The following FAM151B variants were observed in gnomAD, a reference collection of about 807,000 sequenced individuals.
The protein encoded by FAM151B is family with sequence similarity 151 member B.
A neutral mutation model predicts 31.2 loss-of-function variants in FAM151B; 24 were observed. The ratio of observed to expected loss-of-function variants is 0.77; its 90% CI spans 0.56 to 1.08. The LOEUF (loss-of-function observed/expected upper bound fraction) is 1.08. Among genes scored for constraint, FAM151B ranks in the 50% least tolerant of loss-of-function variants. The pLI is 0.00. For synonymous variants in FAM151B, 105 were observed against 111.4 expected, an observed-to-expected ratio of 0.94 and a Z score of 0.36; for missense variants, 293 against 328.6, an observed-to-expected ratio of 0.89 and a Z score of 0.84.
At chr5:80,538,440 CTTTCTTTCTCTT>C (rs1388932855) in intron 5 of FAM151B, among the ~76,000 whole-genome samples, 153 of 59,822 alleles carry the variant, frequency 2.6e-3, no homozygotes, top group South Asian at 3.8e-3. Context: ...TTCTTTCTTT[CTTTCTTTCTCTT>C]TCTTTCTTTC....
intron 1 of FAM151B, 27 bp downstream of exon 1, chr5:80,488,175 C>T: frequency 2.0e-6 from 3 of 1,537,122 alleles, no homozygotes; most frequent in South Asian, 1.2e-5. Context: ...CGGCCTCTGC[C>T]TGGAGGTGGG....
At chr5:80,522,476 A>T (rs1744763473) in intron 5 of FAM151B, 1 of 166,284 alleles carries the variant, frequency 6.0e-6, no homozygotes, top group Admixed American at 6.3e-5. Flanking sequence ...TAATTTCAGA[A>T]ATCAGCCAGG....
At chr5:80,505,749 ATTTTTTTTT>A (rs386404255) in intron 2 of FAM151B, among the ~76,000 whole-genome samples, 1 of 77,882 alleles carries the variant, frequency 1.3e-5, no homozygotes, top group African/African-American at 5.8e-5. Context: ...TCCTATAAGA[ATTTTTTTTT>A]TTTTTTTTTT....
At chr5:80,535,996 C>T (rs1285168840) in intron 5 of FAM151B, among the ~76,000 whole-genome samples, 1 of 152,126 alleles carries the variant, frequency 6.6e-6, no homozygotes, top group Non-Finnish European at 1.5e-5. Context: ...TGCTCAACAT[C>T]ATTGATTATC....
intron 5 of FAM151B, 150 bp from the exon 6 acceptor site, chr5:80,541,523 A>G (rs1745889637): frequency 5.6e-6 from 4 of 712,934 alleles, no homozygotes; most frequent in Non-Finnish European, 9.5e-6. Context: ...AAAGAATGAA[A>G]TATGAAAGTA....
chr5:80,513,864 T>C (rs1346341564), intron 3 of FAM151B, 95 bp downstream of exon 3: 8 of 1,151,914 alleles, frequency 6.9e-6, no homozygotes, highest in South Asian at 4.9e-5. Context: ...GAAAATGGAA[T>C]TGTAGACTCT....
intron 5 of FAM151B, among the ~76,000 whole-genome samples, chr5:80,540,034 T>A (rs1411608730): frequency 6.6e-6 from 1 of 152,172 alleles, no homozygotes; most frequent in Non-Finnish European, 1.5e-5. Context: ...AGCTTCTGTA[T>A]CACTGCCATG....
chr5:80,502,633 G>C (rs1452939639), intron 2 of FAM151B, among the ~76,000 whole-genome samples: 2 of 152,050 alleles, frequency 1.3e-5, no homozygotes, highest in Non-Finnish European at 2.9e-5. Context: ...TGCTCATGTT[G>C]GCTGCAGCAG....
rs1039273747 is a variant in FAM151B at position 80,495,797 on chromosome 5, C to G, written c.26-5995C>G. Among the ~76,000 whole-genome samples the G allele has an allele frequency of 2.2e-5, 3 of 138,574 alleles. No homozygotes were observed. In the East Asian group the frequency reaches 6.3e-4, roughly 29 times the overall value. The allele number at this position is 138,574 out of a possible 152,430, so 90.9% of individuals were successfully genotyped here. On this transcript the variant is annotated intron_variant, in intron 1 of 5. Transcript: ENST00000282226. ...GTAAGCCGAGATGCGCCACACTGCA[C>G]TCCAGCCTGGGCGAAAGAGCGAGAC...
intron 4 of FAM151B, among the ~76,000 whole-genome samples, chr5:80,521,451 A>C (rs1744716346): frequency 7.2e-5 from 11 of 152,112 alleles, no homozygotes; most frequent in Admixed American, 7.2e-4. Context: ...TGATTTAAAT[A>C]TATGTAAAAT....
At chr5:80,499,011 T>TG (rs1459736758) in intron 1 of FAM151B, 1 of 160,962 alleles carries the variant, frequency 6.2e-6, no homozygotes, top group Non-Finnish European at 1.3e-5. Flanking sequence ...AGATGGCAGA[T>TG]GGAAAAAAAA....
At chr5:80,524,293 T>C (rs1744854031) in intron 5 of FAM151B, among the ~76,000 whole-genome samples, 1 of 152,078 alleles carries the variant, frequency 6.6e-6, no homozygotes, top group Admixed American at 6.6e-5. Flanking sequence ...TATATTTTTT[T>C]CATTTTTGAT....
intron 5 of FAM151B, among the ~76,000 whole-genome samples, chr5:80,528,417 T>A (rs762935084): frequency 4.7e-5 from 7 of 149,564 alleles, no homozygotes; most frequent in Non-Finnish European, 1.0e-4. Context: ...AAAGTCAGAG[T>A]GACTGAATGG....
intron 5 of FAM151B, among the ~76,000 whole-genome samples, chr5:80,524,621 T>C (rs1352787332): frequency 6.6e-6 from 1 of 152,116 alleles, no homozygotes; most frequent in African/African-American, 2.4e-5. Flanking sequence ...GTTCTTATAT[T>C]GTTTGAGATA....
intron 1 of FAM151B, among the ~76,000 whole-genome samples, chr5:80,496,454 T>G (rs1743539464): frequency 6.6e-6 from 1 of 152,222 alleles, no homozygotes; most frequent in Non-Finnish European, 1.5e-5. Flanking sequence ...AACATAACTT[T>G]TATATGTACT....
At chr5:80,514,957 C>T (rs189952431) in intron 3 of FAM151B, among the ~76,000 whole-genome samples, 33 of 151,760 alleles carry the variant, frequency 2.2e-4, no homozygotes, top group East Asian at 1.9e-3. Context: ...ACTTTTTTTT[C>T]GACCGGGCAC....
intron 2 of FAM151B, among the ~76,000 whole-genome samples, chr5:80,503,338 T>C: frequency 6.6e-6 from 1 of 152,066 alleles, no homozygotes; most frequent in East Asian, 1.9e-4. Context: ...GGAAGCCAAG[T>C]TGGGTGGATC....
intron 3 of FAM151B, among the ~76,000 whole-genome samples, chr5:80,517,448 C>T (rs1744504613): frequency 6.6e-6 from 1 of 152,164 alleles, no homozygotes; most frequent in Non-Finnish European, 1.5e-5. Context: ...CAAAATGTTA[C>T]ACCTTTTCTT....
At chr5:80,534,499 CA>C in intron 5 of FAM151B, among the ~76,000 whole-genome samples, 1 of 152,152 alleles carries the variant, frequency 6.6e-6, no homozygotes, top group African/African-American at 2.4e-5. Flanking sequence ...GCGTGAAGGA[CA>C]AAAACCATAT....
Sources: allele counts gnomAD v4.1 joint callset (sites outside exome capture counted in the v4.1 genomes callset), GRCh38; gene constraint gnomAD v4.1.1; transcripts MANE v1.5; gene names NCBI Gene and HGNC (gene_info 2026-07-23, HGNC 2026-07-21).